Variants in SPIDR observed in about 807,000 individuals in gnomAD.
The protein encoded by SPIDR is scaffold protein involved in DNA repair.
SPIDR carries 93 observed loss-of-function variants against 104.6 expected under a neutral mutation model. The observed-to-expected ratio is 0.89, with a 90% confidence interval of 0.75 to 1.06. The LOEUF (loss-of-function observed/expected upper bound fraction) is 1.06. Ranked by LOEUF, SPIDR falls within the 50% of genes least tolerant of loss-of-function variation. The pLI is 0.00. For synonymous variants in SPIDR, 431 were observed against 416.9 expected, an observed-to-expected ratio of 1.03 and a Z score of -0.41; for missense variants, 1,154 against 1,111.2, an observed-to-expected ratio of 1.04 and a Z score of -0.55.
intron 8 of SPIDR, among the ~76,000 whole-genome samples, chr8:47,479,044 T>C (rs1554725291): frequency 1.3e-5 from 2 of 151,834 alleles, no homozygotes; most frequent in African/African-American, 4.8e-5. Flanking sequence ...TGATATAAAA[T>C]CAGTGAAAAA....
At chr8:47,316,418 T>G (rs1488571218) in intron 5 of SPIDR, among the ~76,000 whole-genome samples, 1 of 152,204 alleles carries the variant, frequency 6.6e-6, no homozygotes, top group African/African-American at 2.4e-5. Context: ...CAAGATTTGT[T>G]CAAAAGTGTT....
intron 8 of SPIDR, among the ~76,000 whole-genome samples, chr8:47,569,678 A>G (rs1394579729): frequency 2.6e-5 from 4 of 152,208 alleles, no homozygotes; most frequent in African/African-American, 7.2e-5. Context: ...AAAAGCTTCC[A>G]TGTTGGAAAG....
At chr8:47,522,163 A>G (rs2084243023) in intron 8 of SPIDR, among the ~76,000 whole-genome samples, 3 of 147,868 alleles carry the variant, frequency 2.0e-5, no homozygotes, top group Non-Finnish European at 4.5e-5. Context: ...CAAGAGCGAG[A>G]GTCTGTCTCA....
intron 5 of SPIDR, among the ~76,000 whole-genome samples, chr8:47,380,649 G>T (rs1269000592): frequency 6.6e-6 from 1 of 152,118 alleles, no homozygotes; most frequent in African/African-American, 2.4e-5. Context: ...CAGTCCATAG[G>T]TTTGAGTTAA....
intron 7 of SPIDR, among the ~76,000 whole-genome samples, chr8:47,429,367 C>T (rs2066948077): frequency 6.6e-6 from 1 of 152,170 alleles, no homozygotes; most frequent in Admixed American, 6.5e-5. Flanking sequence ...TGGCCCCCCA[C>T]CTCCGTGTGC....
Position 47,407,242 on chromosome 8 carries a change from T to G in SPIDR, c.777-619T>G, listed in dbSNP as rs75474362. The stretch of plus-strand genomic sequence containing the variant: ...TGTCTTTCTGCTATACATGGAAGTT[T>G]TCTTTTTTATAACATTGGTATCTTT... On this transcript the variant is annotated intron_variant, in intron 6 of 19. Coordinates refer to ENST00000297423, the MANE Select transcript of SPIDR (RefSeq NM_001080394.4). Among the ~76,000 whole-genome samples the G allele has an allele frequency of 4.8e-3, 725 of 152,368 alleles. 5 individuals are homozygous for G. The highest frequency in any genetic ancestry group is 0.017 in the African/African-American group (688 of 41,582).
chr8:47,589,022 G>GTTTTTTTTTTTTTTTTTTTTTT (rs1168001066), intron 8 of SPIDR, among the ~76,000 whole-genome samples: 5 of 89,056 alleles, frequency 5.6e-5, no homozygotes, highest in African/African-American at 8.3e-5. Flanking sequence ...TTTATAGTTT[G>GTTTTTTTTTTTTTTTTTTTTTT]TTTTTTTTTT....
chr8:47,262,996 G>C (rs2032910352), intron 1 of SPIDR, among the ~76,000 whole-genome samples: 1 of 152,146 alleles, frequency 6.6e-6, no homozygotes, highest in African/African-American at 2.4e-5. Context: ...ATTTACTGCA[G>C]AACTTATCCT....
At chr8:47,451,278 A>G (rs1464403653) in intron 8 of SPIDR, among the ~76,000 whole-genome samples, 1 of 152,198 alleles carries the variant, frequency 6.6e-6, no homozygotes, top group African/African-American at 2.4e-5. Context: ...ACAATAATTT[A>G]AATTTCAAAA....
intron 7 of SPIDR, among the ~76,000 whole-genome samples, chr8:47,420,487 T>C (rs1353511045): frequency 2.6e-5 from 4 of 152,222 alleles, no homozygotes; most frequent in African/African-American, 2.4e-5. Context: ...CTCCATCCTT[T>C]TATTTTGAGC....
At chr8:47,359,838 T>C (rs1554628659) in intron 5 of SPIDR, among the ~76,000 whole-genome samples, 1 of 152,240 alleles carries the variant, frequency 6.6e-6, no homozygotes, top group Admixed American at 6.5e-5. Flanking sequence ...AAGAACAAGC[T>C]ATGATACTGT....
intron 7 of SPIDR, among the ~76,000 whole-genome samples, chr8:47,430,679 A>G (rs2067204001): frequency 6.6e-6 from 1 of 152,188 alleles, no homozygotes; most frequent in Non-Finnish European, 1.5e-5. Context: ...TTGCTATTTT[A>G]ACATTGGATT....
At chr8:47,716,845 G>A (rs1248313470) in intron 16 of SPIDR, among the ~76,000 whole-genome samples, 2 of 152,170 alleles carry the variant, frequency 1.3e-5, no homozygotes, top group Admixed American at 6.5e-5. Flanking sequence ...GAGGGGCAGG[G>A]ACCAAGAAGG....
chr8:47,561,768 A>G (rs1366672142), intron 8 of SPIDR, among the ~76,000 whole-genome samples: 1 of 152,010 alleles, frequency 6.6e-6, no homozygotes, highest in African/African-American at 2.4e-5. Flanking sequence ...TGCCCATCCT[A>G]TACGTAAGGG....
At chr8:47,529,526 AAC>A (rs2085576294) in intron 8 of SPIDR, among the ~76,000 whole-genome samples, 1 of 152,138 alleles carries the variant, frequency 6.6e-6, no homozygotes, top group Non-Finnish European at 1.5e-5. Flanking sequence ...AAAAAAATAA[AAC>A]ACTAGCCCAG....
chr8:47,473,116 C>G (rs782405171), intron 8 of SPIDR, among the ~76,000 whole-genome samples: 2 of 152,176 alleles, frequency 1.3e-5, no homozygotes, highest in Non-Finnish European at 1.5e-5. Context: ...TGCTTTTGGA[C>G]ACATAACACA....
chr8:47,659,705 C>G (rs1053968932), intron 10 of SPIDR: 18 of 984,392 alleles, frequency 1.8e-5, no homozygotes, highest in African/African-American at 3.5e-5. Flanking sequence ...CAGCCCTCTT[C>G]TGTCCCCATG....
At chr8:47,720,848 C>T (rs937143007) in intron 16 of SPIDR, among the ~76,000 whole-genome samples, 30 of 152,038 alleles carry the variant, frequency 2.0e-4, no homozygotes, top group South Asian at 1.0e-3. Context: ...ACTTCCACCC[C>T]GCTGGTTCAA....
chr8:47,272,338 T>C (rs1254030453), intron 1 of SPIDR, among the ~76,000 whole-genome samples: 1 of 152,238 alleles, frequency 6.6e-6, no homozygotes, highest in Admixed American at 6.5e-5. Context: ...TTTCTGGATA[T>C]TAAATTCTCC....
Sources: allele counts gnomAD v4.1 joint callset (sites outside exome capture counted in the v4.1 genomes callset), GRCh38; gene constraint gnomAD v4.1.1; transcripts MANE v1.5; gene names NCBI Gene and HGNC (gene_info 2026-07-23, HGNC 2026-07-21).